WWC1: variants seen among roughly 807,000 people sequenced by gnomAD.
WWC1 encodes the protein WW and C2 domain containing 1.
In WWC1, 55 loss-of-function variants were observed where a neutral mutation model predicts 138.4. The observed-to-expected ratio is 0.40, with a 90% CI of 0.32 to 0.50. The LOEUF (loss-of-function observed/expected upper bound fraction) is 0.50. Ranked by LOEUF, WWC1 falls within the 20% of genes least tolerant of loss-of-function variation. The probability of loss-of-function intolerance (pLI) is 0.72; values close to 1 mark genes in which losing one functional copy is unlikely to be tolerated. For synonymous variants in WWC1, 524 were observed against 564.9 expected (o/e 0.93, Z 1.03); for missense variants, 1,226 against 1,420.4 (o/e 0.86, Z 2.20).
intron 1 of WWC1, among the ~76,000 whole-genome samples, chr5:168,363,544 A>AAAC: frequency 6.6e-6 from 1 of 151,406 alleles, no homozygotes. Context: ...AAAAAAAAAA[A>AAAC]AAAGATGGTT....
At chr5:168,398,083 T>TTTTA (rs149097323) in intron 4 of WWC1, among the ~76,000 whole-genome samples, 14 of 151,148 alleles carry the variant, frequency 9.3e-5, no homozygotes, top group Non-Finnish European at 1.8e-4. Flanking sequence ...ATTTTATTAT[T>TTTTA]TTTATTTATT....
At chr5:168,425,490 TCTC>T (rs1781432974) in intron 11 of WWC1, among the ~76,000 whole-genome samples, 2 of 143,582 alleles carry the variant, frequency 1.4e-5, no homozygotes, top group South Asian at 4.3e-4. Context: ...CTATTTTTAA[TCTC>T]CTTTTTTTTT....
rs1411074258 is a variant in WWC1 at position 168,390,647 on chromosome 5, A to T, written c.433+5233A>T. On this transcript the variant is annotated intron_variant, in intron 3 of 22. Coordinates refer to ENST00000265293, the MANE Select transcript of WWC1 (RefSeq NM_015238.3). ...TTGCCTTCCAAGTCAAGCTCTTGGCATGACAGATGGATGAAGTCACACGCC... is the reference window on the plus strand; with the variant it reads ...TTGCCTTCCAAGTCAAGCTCTTGGCTTGACAGATGGATGAAGTCACACGCC... Among the ~76,000 whole-genome samples, 3 of 152,248 alleles carry T rather than the reference A, an allele frequency of 2.0e-5. No individual in the cohort carries two copies. The South Asian group carries it at 6.2e-4, about 31-fold the overall frequency.
At chr5:168,380,039 A>G (rs755994113) in intron 2 of WWC1, among the ~76,000 whole-genome samples, 130 of 152,344 alleles carry the variant, frequency 8.5e-4, no homozygotes, top group Non-Finnish European at 1.6e-3. Context: ...TTGTTCCTCA[A>G]AAGACATTAT....
intron 1 of WWC1, among the ~76,000 whole-genome samples, chr5:168,302,944 A>G (rs1417679011): frequency 1.3e-5 from 2 of 152,200 alleles, no homozygotes; most frequent in Non-Finnish European, 2.9e-5. Flanking sequence ...TTAAATACTC[A>G]GTTTGAGTCA....
chr5:168,465,239 TAC>T (rs1464109296), intron 21 of WWC1, among the ~76,000 whole-genome samples: 1 of 152,248 alleles, frequency 6.6e-6, no homozygotes, highest in Non-Finnish European at 1.5e-5. Context: ...TTCACACATG[TAC>T]TCATCATGCA....
At chr5:168,353,791 C>G (rs1266203500) in intron 1 of WWC1, among the ~76,000 whole-genome samples, 2 of 152,228 alleles carry the variant, frequency 1.3e-5, no homozygotes, top group Non-Finnish European at 2.9e-5. Flanking sequence ...CTACTTCCTG[C>G]TTCCTCTACA....
intron 4 of WWC1, 31 bp from the exon 5 acceptor site, chr5:168,399,457 C>T: frequency 6.2e-7 from 1 of 1,613,026 alleles, no homozygotes; most frequent in South Asian, 1.1e-5. Flanking sequence ...AGCCTCTGAC[C>T]CAGCCCTGTG....
At chr5:168,454,182 A>G in intron 18 of WWC1, 82 bp downstream of exon 18, 1 of 1,557,382 alleles carries the variant, frequency 6.4e-7, no homozygotes, top group Non-Finnish European at 8.7e-7. Flanking sequence ...GAAAAGACTC[A>G]GAGCTAAGTC....
chr5:168,415,847 T>G (rs2152845163), intron 9 of WWC1: 1 of 113,336 alleles, frequency 8.8e-6, no homozygotes, highest in African/African-American at 3.6e-5. Flanking sequence ...TGTGTGTGTG[T>G]GTGTGGCATA....
intron 1 of WWC1, among the ~76,000 whole-genome samples, chr5:168,293,844 G>A (rs143652987): frequency 3.2e-3 from 492 of 152,278 alleles, no homozygotes; most frequent in Middle Eastern, 6.8e-3. Flanking sequence ...GCCATTCTGC[G>A]TACCAGTTCT....
chr5:168,300,752 A>G (rs35780714), intron 1 of WWC1, among the ~76,000 whole-genome samples: 20,343 of 151,674 alleles, frequency 0.13, 1,493 homozygotes, highest in Admixed American at 0.23. Context: ...TTTGGTAGCA[A>G]CCCCCACACT....
chr5:168,360,970 G>A lies in WWC1; in HGVS notation c.120-10454G>A, dbSNP rs1021985785. Reference sequence around the variant, plus strand: ...GAGCCCTTGGGAACCCAGCTCATGAGGCTGGAAGGAATAAGGCTGGGAGTT... The same window carrying A: ...GAGCCCTTGGGAACCCAGCTCATGAAGCTGGAAGGAATAAGGCTGGGAGTT... On this transcript the variant is annotated intron_variant, in intron 1 of 22. Transcript: ENST00000265293. 3.9e-5 allele frequency among the ~76,000 whole-genome samples: 6 copies of A among 152,230 alleles called. No homozygotes were observed. In the South Asian group the frequency reaches 6.2e-4, roughly 16 times the overall value.
At chr5:168,390,109 C>T (rs1002158358) in intron 3 of WWC1, among the ~76,000 whole-genome samples, 5 of 152,110 alleles carry the variant, frequency 3.3e-5, no homozygotes, top group Admixed American at 2.6e-4. Context: ...GTTGTTGTAA[C>T]CTTGCACAAG....
At chr5:168,302,148 T>C (rs1344011248) in intron 1 of WWC1, among the ~76,000 whole-genome samples, 1 of 152,250 alleles carries the variant, frequency 6.6e-6, no homozygotes, top group East Asian at 1.9e-4. Flanking sequence ...AACTCATTTG[T>C]AACTGCTTTG....
chr5:168,364,270 C>G (rs984882498), intron 1 of WWC1, among the ~76,000 whole-genome samples: 1 of 152,156 alleles, frequency 6.6e-6, no homozygotes, highest in Non-Finnish European at 1.5e-5. Context: ...TACCCTGCCT[C>G]CTCCTTAACC....
intron 1 of WWC1, among the ~76,000 whole-genome samples, chr5:168,296,137 C>T (rs952201601): frequency 6.6e-6 from 1 of 152,132 alleles, no homozygotes. Flanking sequence ...ACAAATGCAC[C>T]GATTGTTCTC....
At chr5:168,295,483 C>CAT (rs143036340) in intron 1 of WWC1, among the ~76,000 whole-genome samples, 18 of 142,484 alleles carry the variant, frequency 1.3e-4, no homozygotes, top group Non-Finnish European at 2.4e-4. Flanking sequence ...ATTTCTACTC[C>CAT]GTGTGTGTGT....
chr5:168,368,851 G>A (rs894185066), intron 1 of WWC1, among the ~76,000 whole-genome samples: 3 of 152,202 alleles, frequency 2.0e-5, no homozygotes, highest in Non-Finnish European at 4.4e-5. Context: ...GGAGGGTGGT[G>A]GCGGGTGGCC....
Sources: allele counts gnomAD v4.1 joint callset (sites outside exome capture counted in the v4.1 genomes callset), GRCh38; gene constraint gnomAD v4.1.1; transcripts MANE v1.5; gene names NCBI Gene and HGNC (gene_info 2026-07-23, HGNC 2026-07-21).